The following ADGRL3 variants were observed in gnomAD, a reference collection of about 807,000 sequenced individuals.
ADGRL3 encodes the protein calcium-independent alpha-latrotoxin receptor 3.
A neutral mutation model predicts 153.5 loss-of-function variants in ADGRL3; 62 were observed. The observed-to-expected ratio is 0.40, with a 90% CI of 0.33 to 0.50. The LOEUF (loss-of-function observed/expected upper bound fraction) is 0.50. Ranked by LOEUF, ADGRL3 falls within the 20% of genes least tolerant of loss-of-function variation. ADGRL3 has a pLI of 0.47. For synonymous variants in ADGRL3, 710 were observed against 672.5 expected, an observed-to-expected ratio of 1.06 and a Z score of -0.86; for missense variants, 1,641 against 1,859.4, an observed-to-expected ratio of 0.88 and a Z score of 2.16.
At position 61,276,703 on chromosome 4, in the gene ADGRL3, T is replaced by G. The variant is rs1196073677; in HGVS notation, c.-240+74938T>G. Among the ~76,000 whole-genome samples the G allele has an allele frequency of 2.0e-5, 3 of 152,148 alleles. 1 individual carries two copies. Among genetic ancestry groups the G allele is most frequent in the Admixed American group, 6.6e-5 (1 of 15,260 alleles). ...TTAGACAGTCTTCCCATTTTGTTTT[T>G]TGCAAGCTGGGACTTTAGTAAGAAG... On this transcript the variant is annotated intron_variant, in intron 1 of 26. Transcript: ENST00000683033.
intron 6 of ADGRL3, among the ~76,000 whole-genome samples, chr4:61,724,632 A>T (rs2096294929): frequency 6.6e-6 from 1 of 152,198 alleles, no homozygotes; most frequent in Non-Finnish European, 1.5e-5. Flanking sequence ...TTATTTGAAA[A>T]ACATAATTTA....
rs940518096 is a variant in ADGRL3, at chr4:61,875,033, C to T, written c.1481-17623C>T. Among the ~76,000 whole-genome samples the T allele has an allele frequency of 5.9e-5, 9 of 151,536 alleles. No individual in the cohort carries two copies. In the South Asian group the frequency reaches 6.3e-4, roughly 11 times the overall value. On this transcript the variant is annotated intron_variant, in intron 9 of 26. Coordinates refer to ENST00000683033, the MANE Select transcript of ADGRL3 (RefSeq NM_001387552.1). Reference sequence around the variant, plus strand: ...CCTTGTTAGTCAGGATGGTCTCGATCTCCTGACCTCATGATCCACCCGCCT... The same window carrying T: ...CCTTGTTAGTCAGGATGGTCTCGATTTCCTGACCTCATGATCCACCCGCCT...
chr4:61,909,836 C>T, intron 12 of ADGRL3, 91 bp downstream of exon 12: 2 of 996,114 alleles, frequency 2.0e-6, no homozygotes, highest in Non-Finnish European at 2.8e-6. Flanking sequence ...AAAGACTTCA[C>T]TGCTTAATTT....
intron 8 of ADGRL3, among the ~76,000 whole-genome samples, chr4:61,792,206 A>G (rs944403437): frequency 7.2e-6 from 1 of 139,798 alleles, no homozygotes; most frequent in Non-Finnish European, 1.5e-5. Context: ...CACCTCTTTA[A>G]TGCTTGGTTG....
intron 13 of ADGRL3, among the ~76,000 whole-genome samples, chr4:61,929,036 GATAA>G (rs1483892979): frequency 6.6e-6 from 1 of 152,072 alleles, no homozygotes; most frequent in Non-Finnish European, 1.5e-5. Flanking sequence ...TTCTGTTAAA[GATAA>G]ATAAATACTG....
At chr4:61,745,914 C>A (rs530475817) in intron 8 of ADGRL3, among the ~76,000 whole-genome samples, 1 of 152,064 alleles carries the variant, frequency 6.6e-6, no homozygotes, top group Non-Finnish European at 1.5e-5. Context: ...CACAGACTGG[C>A]AAATTGGATA....
At chr4:61,538,998 T>C (rs548183274) in intron 4 of ADGRL3, among the ~76,000 whole-genome samples, 6 of 152,244 alleles carry the variant, frequency 3.9e-5, no homozygotes, top group East Asian at 1.9e-4. Context: ...CTTCAGCTCA[T>C]ATAGACTGTC....
intron 5 of ADGRL3, among the ~76,000 whole-genome samples, chr4:61,659,478 T>G (rs1356492379): frequency 1.3e-5 from 2 of 152,214 alleles, no homozygotes; most frequent in African/African-American, 4.8e-5. Flanking sequence ...CATGGTAGTC[T>G]TTTAATACAT....
intron 2 of ADGRL3, among the ~76,000 whole-genome samples, chr4:61,412,483 A>T (rs1001998914): frequency 6.6e-6 from 1 of 152,202 alleles, no homozygotes; most frequent in Non-Finnish European, 1.5e-5. Context: ...GGGAATACTG[A>T]TGTGGATGCC....
At chr4:61,297,592 C>A (rs1415335816) in intron 1 of ADGRL3, among the ~76,000 whole-genome samples, 1 of 151,602 alleles carries the variant, frequency 6.6e-6, no homozygotes, top group East Asian at 1.9e-4. Context: ...TTACTTGAGT[C>A]ATATGACTTT....
intron 1 of ADGRL3, among the ~76,000 whole-genome samples, chr4:61,233,065 A>G (rs1751423243): frequency 6.6e-6 from 1 of 152,220 alleles, no homozygotes; most frequent in African/African-American, 2.4e-5. Context: ...ATTTACTTAT[A>G]TTACAATTAC....
intron 3 of ADGRL3, among the ~76,000 whole-genome samples, chr4:61,501,641 C>T (rs1390699066): frequency 2.0e-5 from 3 of 152,088 alleles, no homozygotes; most frequent in Non-Finnish European, 4.4e-5. Flanking sequence ...GTTTAAACTA[C>T]TATTTTAATT....
chr4:61,692,399 C>T (rs1415881619), intron 6 of ADGRL3, among the ~76,000 whole-genome samples: 4 of 151,460 alleles, frequency 2.6e-5, no homozygotes, highest in African/African-American at 9.7e-5. Flanking sequence ...TGTCTGCCTT[C>T]TAATTGGTCA....
intron 2 of ADGRL3, among the ~76,000 whole-genome samples, chr4:61,393,291 T>A (rs2096834479): frequency 1.3e-5 from 2 of 151,886 alleles, no homozygotes; most frequent in Admixed American, 1.3e-4. Context: ...TGCACATTTT[T>A]AAAGACCTTA....
intron 2 of ADGRL3, among the ~76,000 whole-genome samples, chr4:61,443,925 T>C (rs1341958625): frequency 2.0e-5 from 3 of 152,218 alleles, no homozygotes; most frequent in African/African-American, 7.2e-5. Context: ...TGATTTTAAA[T>C]ACATTGCAAA....
intron 9 of ADGRL3, among the ~76,000 whole-genome samples, chr4:61,819,894 G>A (rs911075514): frequency 6.6e-6 from 1 of 151,978 alleles, no homozygotes; most frequent in African/African-American, 2.4e-5. Context: ...ACTCTATTTT[G>A]AAAATTATAT....
At chr4:61,920,510 A>G (rs1410924601) in intron 13 of ADGRL3, among the ~76,000 whole-genome samples, 1 of 152,224 alleles carries the variant, frequency 6.6e-6, no homozygotes, top group Admixed American at 6.5e-5. Context: ...CGAATCTTGT[A>G]TAGCTGGTAG....
At chr4:61,806,587 T>G (rs923827351) in intron 8 of ADGRL3, among the ~76,000 whole-genome samples, 5 of 152,058 alleles carry the variant, frequency 3.3e-5, no homozygotes, top group African/African-American at 4.8e-5. Flanking sequence ...AATTTGAGTA[T>G]AGAGCCAATT....
At chr4:61,963,333 G>T (rs1341985895) in intron 17 of ADGRL3, among the ~76,000 whole-genome samples, 2 of 151,700 alleles carry the variant, frequency 1.3e-5, no homozygotes, top group African/African-American at 4.8e-5. Context: ...CATGTCACAG[G>T]GTCTTAGTGG....
Sources: allele counts gnomAD v4.1 joint callset (sites outside exome capture counted in the v4.1 genomes callset), GRCh38; gene constraint gnomAD v4.1.1; transcripts MANE v1.5; gene names NCBI Gene and HGNC (gene_info 2026-07-23, HGNC 2026-07-21).